GRM7: variants seen among roughly 807,000 people sequenced by gnomAD.
The protein encoded by GRM7 is glutamate metabotropic receptor 7.
GRM7 carries 35 observed loss-of-function variants against 84.5 expected under a neutral mutation model. That is an observed-to-expected ratio of 0.41 (90% CI 0.32 to 0.55). The LOEUF (loss-of-function observed/expected upper bound fraction) is 0.55, where lower values mean the gene tolerates loss of function less well. Among genes scored for constraint, GRM7 ranks in the 20% least tolerant of loss-of-function variants. The pLI is 0.19. For synonymous variants in GRM7, 487 were observed against 455.1 expected (o/e 1.07, Z -0.89); for missense variants, 1,003 against 1,194.6 (o/e 0.84, Z 2.36).
chr3:7,587,956 C>T (rs180930128), intron 8 of GRM7, among the ~76,000 whole-genome samples: 1 of 152,252 alleles, frequency 6.6e-6, no homozygotes, highest in African/African-American at 2.4e-5. Context: ...GCATATGATT[C>T]TCCTCCCATC....
intron 8 of GRM7, among the ~76,000 whole-genome samples, chr3:7,655,853 G>A (rs1699157305): frequency 6.6e-6 from 1 of 152,044 alleles, no homozygotes; most frequent in East Asian, 1.9e-4. Flanking sequence ...TTGGACGTGT[G>A]GAAAAACCCA....
chr3:7,579,510 A>G, intron 8 of GRM7, 153 bp downstream of exon 8: 1 of 565,340 alleles, frequency 1.8e-6, no homozygotes, highest in East Asian at 2.9e-5. Flanking sequence ...AGTAGGCTTC[A>G]ATGCTACAAG....
At chr3:7,536,437 G>A (rs972571024) in intron 7 of GRM7, among the ~76,000 whole-genome samples, 1 of 152,088 alleles carries the variant, frequency 6.6e-6, no homozygotes, top group African/African-American at 2.4e-5. Context: ...ACTAATTCTG[G>A]GGACATGTGG....
intron 4 of GRM7, among the ~76,000 whole-genome samples, chr3:7,383,344 G>T (rs148536154): frequency 1.9e-3 from 283 of 152,274 alleles, no homozygotes; most frequent in African/African-American, 6.4e-3. Flanking sequence ...TCTGAAAGGA[G>T]ATAATGAAAG....
At chr3:7,193,144 C>T (rs1427721482) in intron 2 of GRM7, among the ~76,000 whole-genome samples, 1 of 151,990 alleles carries the variant, frequency 6.6e-6, no homozygotes, top group Non-Finnish European at 1.5e-5. Flanking sequence ...GGTCATAGGC[C>T]TCAAATAAGA....
intron 7 of GRM7, among the ~76,000 whole-genome samples, chr3:7,534,764 CAAGT>C (rs1191886608): frequency 1.3e-5 from 2 of 151,930 alleles, no homozygotes; most frequent in African/African-American, 2.4e-5. Context: ...GGCAATATGA[CAAGT>C]AAGTAAAAAC....
At chr3:6,880,219 G>T (rs339805) in intron 1 of GRM7, among the ~76,000 whole-genome samples, 87,828 of 151,896 alleles carry the variant, frequency 0.58, 25,715 homozygotes, top group African/African-American at 0.61. Context: ...CCCCGACAAA[G>T]AACCCCAAAT....
chr3:7,387,938 A>G (rs902679413), intron 4 of GRM7, among the ~76,000 whole-genome samples: 4 of 152,056 alleles, frequency 2.6e-5, no homozygotes, highest in Non-Finnish European at 5.9e-5. Flanking sequence ...ATGATTTTCC[A>G]TTTGTTTGTG....
intron 8 of GRM7, among the ~76,000 whole-genome samples, chr3:7,677,226 C>G (rs1700159592): frequency 6.9e-6 from 1 of 144,716 alleles, no homozygotes; most frequent in African/African-American, 2.6e-5. Context: ...CGCACCACTG[C>G]TCTCCAACCT....
intron 7 of GRM7, among the ~76,000 whole-genome samples, chr3:7,557,698 C>G (rs1429420972): frequency 6.6e-6 from 1 of 152,042 alleles, no homozygotes; most frequent in African/African-American, 2.4e-5. Context: ...AAACAAAAAC[C>G]TACCTGGCAA....
At chr3:7,635,438 T>C (rs530747762) in intron 8 of GRM7, among the ~76,000 whole-genome samples, 44 of 152,316 alleles carry the variant, frequency 2.9e-4, no homozygotes, top group East Asian at 1.2e-3. Flanking sequence ...CCAACCTAAC[T>C]CCTTAATAAA....
intron 1 of GRM7, among the ~76,000 whole-genome samples, chr3:7,016,246 C>T (rs750367031): frequency 5.3e-5 from 8 of 152,140 alleles, no homozygotes; most frequent in East Asian, 1.9e-4. Context: ...ACCAGGAGGT[C>T]GGTCTAGGGC....
rs1559333361 is a variant in GRM7 at position 6,927,479 on chromosome 3, A to AAGAAAGAT, written c.519+65579_519+65580insTAGAAAGA. Among the ~76,000 whole-genome samples the AAGAAAGAT allele has an allele frequency of 2.2e-3, 172 of 79,118 alleles. 2 individuals are homozygous for AAGAAAGAT. The Middle Eastern group carries it at 0.032, about 15-fold the overall frequency. 51.9% of individuals were successfully genotyped at this position (79,118 alleles called of 152,430 possible). On this transcript the variant is annotated intron_variant, in intron 1 of 9. Coordinates refer to ENST00000357716, the MANE Select transcript of GRM7 (RefSeq NM_000844.4). Reference sequence around the variant, plus strand: ...AAAGAGAGAGAGAAAGAAAGAAAGAAAGAAAGAAAGAAAGAAAGAAAGAAA... The same window carrying AAGAAAGAT: ...AAAGAGAGAGAGAAAGAAAGAAAGAAAGAAAGATAGAAAGAAAGAAAGAAAGAAAGAAA...
chr3:7,079,501 G>A (rs1379882350), intron 1 of GRM7, among the ~76,000 whole-genome samples: 5 of 150,398 alleles, frequency 3.3e-5, no homozygotes, highest in African/African-American at 1.0e-4. Context: ...TGATTGGTAC[G>A]TTTGAAACAT....
At chr3:7,280,015 T>G (rs1307161042) in intron 2 of GRM7, among the ~76,000 whole-genome samples, 1 of 152,238 alleles carries the variant, frequency 6.6e-6, no homozygotes, top group Non-Finnish European at 1.5e-5. Flanking sequence ...AGAATCTTTC[T>G]TGCCAGTGTT....
At chr3:7,587,385 C>G (rs1414997402) in intron 8 of GRM7, among the ~76,000 whole-genome samples, 1 of 152,100 alleles carries the variant, frequency 6.6e-6, no homozygotes, top group East Asian at 1.9e-4. Flanking sequence ...ATTCTTCTAC[C>G]CTAGGTTCCT....
At position 7,368,177 on chromosome 3, in the gene GRM7, CAA is replaced by C. The variant is rs374282021; in HGVS notation, c.1034-46844_1034-46843del. On this transcript the variant is annotated intron_variant, in intron 4 of 9. Transcript: ENST00000357716. ...CTTATCTGCCCGGGAGATTGGTTTA[CAA>C]AGACTACAAAGGCATTTCTGGAACT... 4.3e-4 allele frequency among the ~76,000 whole-genome samples: 66 copies of C among 152,020 alleles called. 1 individual carries two copies. The East Asian group carries it at 0.01, about 24-fold the overall frequency.
intron 1 of GRM7, among the ~76,000 whole-genome samples, chr3:6,899,243 G>T (rs1047992787): frequency 2.6e-5 from 4 of 152,070 alleles, no homozygotes; most frequent in African/African-American, 7.2e-5. Flanking sequence ...TATTTCTATA[G>T]GGAAGACCCA....
intron 9 of GRM7, among the ~76,000 whole-genome samples, chr3:7,735,950 A>G (rs1702485086): frequency 1.3e-5 from 2 of 152,202 alleles, no homozygotes; most frequent in Admixed American, 1.3e-4. Context: ...GGTTTTCTAG[A>G]TATTTCCAAA....
Sources: allele counts gnomAD v4.1 joint callset (sites outside exome capture counted in the v4.1 genomes callset), GRCh38; gene constraint gnomAD v4.1.1; transcripts MANE v1.5; gene names NCBI Gene and HGNC (gene_info 2026-07-23, HGNC 2026-07-21).